Variants in CERS6 observed in about 807,000 individuals in gnomAD.
The protein encoded by CERS6 is LAG1 homolog, ceramide synthase 6.
In CERS6, 26 loss-of-function variants were observed where a neutral mutation model predicts 56.8. The observed-to-expected ratio is 0.46, with a 90% CI of 0.34 to 0.63. The LOEUF is 0.63. Among genes scored for constraint, CERS6 ranks in the 30% least tolerant of loss-of-function variants. CERS6 has a pLI of 0.01. For synonymous variants in CERS6, 164 were observed against 173.3 expected (o/e 0.95, Z 0.42); for missense variants, 415 against 467.5 (o/e 0.89, Z 1.04).
At chr2:168,620,602 C>CT (rs760783146) in intron 3 of CERS6, among the ~76,000 whole-genome samples, 5 of 152,000 alleles carry the variant, frequency 3.3e-5, no homozygotes, top group Non-Finnish European at 7.4e-5. Context: ...ACATTTTACT[C>CT]TATTGTTAAT....
intron 4 of CERS6, among the ~76,000 whole-genome samples, chr2:168,656,938 G>T (rs1685490241): frequency 6.6e-6 from 1 of 152,106 alleles, no homozygotes; most frequent in Non-Finnish European, 1.5e-5. Flanking sequence ...CCACACACAG[G>T]TTCTCCAAGG....
intron 4 of CERS6, among the ~76,000 whole-genome samples, chr2:168,657,973 C>T (rs1030578049): frequency 1.3e-5 from 2 of 152,198 alleles, no homozygotes; most frequent in Non-Finnish European, 2.9e-5. Flanking sequence ...AGCGAGGGCT[C>T]TGAGGACTGC....
intron 3 of CERS6, among the ~76,000 whole-genome samples, chr2:168,615,130 A>G (rs1684284829): frequency 6.6e-6 from 1 of 152,206 alleles, no homozygotes; most frequent in East Asian, 1.9e-4. Context: ...AGTCACTACA[A>G]CTTGGCTCTC....
chr2:168,553,156 A>C (rs1294358622), intron 2 of CERS6, among the ~76,000 whole-genome samples: 1 of 152,140 alleles, frequency 6.6e-6, no homozygotes, highest in East Asian at 1.9e-4. Flanking sequence ...AAACTCAGCA[A>C]AGAATATGGA....
intron 4 of CERS6, among the ~76,000 whole-genome samples, chr2:168,641,096 C>T (rs1685025039): frequency 6.6e-6 from 1 of 152,156 alleles, no homozygotes; most frequent in African/African-American, 2.4e-5. Context: ...AGAACTTAAC[C>T]ACCAGATGTT....
In CERS6 at chr2:168,724,513, C is replaced by T. The variant is rs144670348; in HGVS notation, c.845+6535C>T. On this transcript the variant is annotated intron_variant, in intron 8 of 9. Coordinates refer to ENST00000305747, the MANE Select transcript of CERS6 (RefSeq NM_203463.3). ...AGCCGAGTGGTCTGTTTTGAGAGGG[C>T]GCTGATTGGTGCTTTTACAATCTCT... is the stretch of plus-strand genomic sequence containing the variant. 9.1e-3 allele frequency among the ~76,000 whole-genome samples: 1,389 copies of T among 152,106 alleles called. 16 individuals carry two copies. The highest frequency in any genetic ancestry group is 0.037 in the South Asian group (177 of 4,800).
chr2:168,536,157 CA>C (rs1695259713), intron 1 of CERS6, among the ~76,000 whole-genome samples: 5 of 152,140 alleles, frequency 3.3e-5, no homozygotes. Flanking sequence ...CCTATGATGA[CA>C]GAGTATTTTA....
At chr2:168,495,791 G>A (rs938981921) in intron 1 of CERS6, among the ~76,000 whole-genome samples, 2 of 151,942 alleles carry the variant, frequency 1.3e-5, no homozygotes, top group Non-Finnish European at 2.9e-5. Flanking sequence ...TCTCCTTTCA[G>A]GGGGGGCATG....
intron 4 of CERS6, among the ~76,000 whole-genome samples, chr2:168,652,035 C>G (rs1685354858): frequency 1.3e-5 from 2 of 151,448 alleles, no homozygotes; most frequent in Admixed American, 6.6e-5. Context: ...GCCCCCCACC[C>G]CCTTTTTTTT....
At chr2:168,694,521 G>C (rs1195787307) in intron 5 of CERS6, among the ~76,000 whole-genome samples, 1 of 152,116 alleles carries the variant, frequency 6.6e-6, no homozygotes, top group Non-Finnish European at 1.5e-5. Context: ...GATTAATGCA[G>C]AACTTAAATC....
At chr2:168,509,098 T>G (rs1176567462) in intron 1 of CERS6, among the ~76,000 whole-genome samples, 1 of 152,210 alleles carries the variant, frequency 6.6e-6, no homozygotes, top group African/African-American at 2.4e-5. Flanking sequence ...TAATTCATTC[T>G]TGGCAGAATC....
At chr2:168,531,841 A>G (rs997750154) in intron 1 of CERS6, among the ~76,000 whole-genome samples, 3 of 151,156 alleles carry the variant, frequency 2.0e-5, no homozygotes, top group African/African-American at 4.9e-5. Context: ...AAAAAAGGTC[A>G]GTGACCACCA....
intron 8 of CERS6, among the ~76,000 whole-genome samples, chr2:168,718,270 T>C (rs1225960571): frequency 1.3e-5 from 2 of 152,096 alleles, no homozygotes; most frequent in Non-Finnish European, 2.9e-5. Context: ...ACCTCAGCTG[T>C]GAAGGTTGGA....
At chr2:168,458,496 T>G (rs1693717656) in intron 1 of CERS6, among the ~76,000 whole-genome samples, 2 of 152,228 alleles carry the variant, frequency 1.3e-5, no homozygotes, top group Non-Finnish European at 2.9e-5. Context: ...TTCCTCTTTC[T>G]AAACATTTTT....
chr2:168,595,788 T>A (rs1683782684), intron 3 of CERS6, among the ~76,000 whole-genome samples: 1 of 152,238 alleles, frequency 6.6e-6, no homozygotes, highest in Admixed American at 6.5e-5. Context: ...GGAAAAAAGT[T>A]ATGTTGCTGT....
chr2:168,530,875 A>T (rs16855448), intron 1 of CERS6, among the ~76,000 whole-genome samples: 9,809 of 152,260 alleles, frequency 0.064, 635 homozygotes, highest in East Asian at 0.18. Flanking sequence ...TATTACTGCT[A>T]TTTAAGATTA....
At chr2:168,519,139 T>G (rs1488927302) in intron 1 of CERS6, among the ~76,000 whole-genome samples, 8 of 152,216 alleles carry the variant, frequency 5.3e-5, no homozygotes. Flanking sequence ...AGTAATTTTA[T>G]GTACATCATA....
chr2:168,485,365 A>G (rs1435601700), intron 1 of CERS6, among the ~76,000 whole-genome samples: 1 of 152,142 alleles, frequency 6.6e-6, no homozygotes, highest in Non-Finnish European at 1.5e-5. Context: ...TAAAGTTCAT[A>G]GTTTACATAA....
intron 4 of CERS6, among the ~76,000 whole-genome samples, chr2:168,654,736 C>G (rs1308766339): frequency 6.6e-6 from 1 of 152,152 alleles, no homozygotes; most frequent in Non-Finnish European, 1.5e-5. Flanking sequence ...TATATCATGA[C>G]TATTCGAGTC....
Sources: gnomAD v4.1 joint callset for allele counts (sites outside exome capture counted in the v4.1 genomes callset) on GRCh38, gnomAD v4.1.1 for gene constraint, MANE v1.5 for transcripts, NCBI Gene and HGNC (gene_info 2026-07-23, HGNC 2026-07-21) for gene names.